Variants in TACC1 observed in about 807,000 individuals in gnomAD.
The protein encoded by TACC1 is transforming acidic coiled-coil-containing protein 1.
A neutral mutation model predicts 84.4 loss-of-function variants in TACC1; 48 were observed. The ratio of observed to expected loss-of-function variants is 0.57; its 90% CI spans 0.45 to 0.72. The LOEUF (loss-of-function observed/expected upper bound fraction) is 0.72, where lower values mean the gene tolerates loss of function less well. Ranked by LOEUF, TACC1 falls within the 30% of genes least tolerant of loss-of-function variation. The pLI is 0.00. For missense variants in TACC1, 920 were observed against 973.0 expected, an observed-to-expected ratio of 0.95 and a Z score of 0.72; for synonymous variants, 372 against 376.3, an observed-to-expected ratio of 0.99 and a Z score of 0.13.
At chr8:38,740,187 T>C (rs1341447392) in intron 1 of TACC1, among the ~76,000 whole-genome samples, 3 of 152,194 alleles carry the variant, frequency 2.0e-5, no homozygotes, top group African/African-American at 7.2e-5. Context: ...TCAGGAATCT[T>C]GAGCTGAGGA....
chr8:38,771,719 C>T (rs1448181709), intron 3 of TACC1, among the ~76,000 whole-genome samples: 3 of 152,146 alleles, frequency 2.0e-5, no homozygotes, highest in Non-Finnish European at 4.4e-5. Flanking sequence ...ATTTGCATTT[C>T]TATTTTACTT....
chr8:38,766,226 T>C (rs906462420), intron 3 of TACC1, among the ~76,000 whole-genome samples: 2 of 152,238 alleles, frequency 1.3e-5, no homozygotes. Context: ...GAACACTTAC[T>C]GTTACAGATA....
intron 3 of TACC1, among the ~76,000 whole-genome samples, chr8:38,821,095 C>G (rs766488236): frequency 4.6e-5 from 7 of 151,964 alleles, no homozygotes; most frequent in Non-Finnish European, 1.0e-4. Context: ...GTCCCAGCCA[C>G]CCGGGAGGCT....
intron 2 of TACC1, among the ~76,000 whole-genome samples, chr8:38,800,556 T>C (rs1464820298): frequency 1.3e-5 from 2 of 152,242 alleles, no homozygotes; most frequent in Non-Finnish European, 2.9e-5. Context: ...AACCATGTTT[T>C]CAAGGTTCAG....
chr8:38,850,367 ATGTT>A lies in TACC1; in HGVS notation c.*2350_*2353del, dbSNP rs796206155. On this transcript the variant is annotated 3_prime_UTR_variant, in exon 13 of 13. Transcript: ENST00000317827. ...GAGAATATACTGGGCAGAATGAAGT[ATGTT>A]TGTTTATTTTTCTTTAAAAATAAAG... 9.2e-5 allele frequency: 14 copies of A among 152,328 alleles called. 1 individual carries two copies. Among genetic ancestry groups the A allele is most frequent in the Admixed American group, 2.6e-4 (4 of 15,302 alleles). The allele number at this position is 152,328 out of a possible 1,614,324, so 9.4% of individuals were successfully genotyped here. A position where few individuals can be genotyped will look rare whatever the true frequency, so the allele number is the denominator to read the frequency against.
chr8:38,797,112 T>C (rs973179902), intron 2 of TACC1, among the ~76,000 whole-genome samples: 1 of 152,250 alleles, frequency 6.6e-6, no homozygotes, highest in Non-Finnish European at 1.5e-5. Flanking sequence ...GGACCACTGC[T>C]GGGTTGCTTG....
intron 2 of TACC1, among the ~76,000 whole-genome samples, chr8:38,791,879 A>T (rs1818754132): frequency 6.6e-6 from 1 of 152,160 alleles, no homozygotes; most frequent in Non-Finnish European, 1.5e-5. Flanking sequence ...TCCTGTGCTG[A>T]CTTCTGTATA....
intron 3 of TACC1, among the ~76,000 whole-genome samples, chr8:38,762,576 G>A (rs1215449951): frequency 1.3e-5 from 2 of 150,984 alleles, no homozygotes; most frequent in Admixed American, 6.6e-5. Context: ...TTTTTTGGGG[G>A]GACAGAGTCT....
intron 3 of TACC1, among the ~76,000 whole-genome samples, chr8:38,768,781 T>C (rs1467817650): frequency 6.6e-6 from 1 of 151,536 alleles, no homozygotes; most frequent in Non-Finnish European, 1.5e-5. Context: ...TGTGGGCTTA[T>C]GTGAGAGTTG....
intron 3 of TACC1, among the ~76,000 whole-genome samples, chr8:38,752,169 T>C (rs1809161811): frequency 6.6e-6 from 1 of 152,178 alleles, no homozygotes; most frequent in Non-Finnish European, 1.5e-5. Context: ...ATTTTTCCAA[T>C]GTTTAAAGAA....
chr8:38,836,658 T>C (rs985525318), intron 7 of TACC1, among the ~76,000 whole-genome samples: 5 of 152,256 alleles, frequency 3.3e-5, no homozygotes, highest in African/African-American at 1.2e-4. Context: ...TTTGCAGTAA[T>C]ACACAGTTGT....
At chr8:38,813,900 G>A (rs1487035326) in intron 2 of TACC1, among the ~76,000 whole-genome samples, 2 of 152,130 alleles carry the variant, frequency 1.3e-5, no homozygotes, top group Non-Finnish European at 2.9e-5. Flanking sequence ...ATTGAGAAAG[G>A]GGCGTTTCAT....
chr8:38,837,105 CTTT>C (rs11414868), intron 7 of TACC1, among the ~76,000 whole-genome samples: 5 of 120,900 alleles, frequency 4.1e-5, no homozygotes, highest in Non-Finnish European at 1.7e-5. Flanking sequence ...CCACCAAAAT[CTTT>C]TTTTTTTTTT....
At chr8:38,743,202 G>A (rs909218033) in intron 2 of TACC1, among the ~76,000 whole-genome samples, 4 of 152,100 alleles carry the variant, frequency 2.6e-5, no homozygotes, top group South Asian at 4.1e-4. Flanking sequence ...CTGGTAGCAG[G>A]CCCCAAAAAA....
chr8:38,804,762 T>C lies in TACC1; in HGVS notation c.278-14760T>C, dbSNP rs1287857505. Among the ~76,000 whole-genome samples, 6 of 152,166 alleles carry C rather than the reference T, an allele frequency of 3.9e-5. No homozygotes were observed. The East Asian group carries it at 1.2e-3, about 29-fold the overall frequency. On this transcript the variant is annotated intron_variant, in intron 2 of 12. Coordinates refer to ENST00000317827, the MANE Select transcript of TACC1 (RefSeq NM_006283.3). The stretch of plus-strand genomic sequence containing the variant: ...GGACTGCAGGCAAACACCACTGTAC[T>C]CAGCTAATTTTTAATTTTTTTGTAG...
At chr8:38,767,846 T>G (rs1271101143) in intron 3 of TACC1, among the ~76,000 whole-genome samples, 1 of 152,084 alleles carries the variant, frequency 6.6e-6, no homozygotes, top group Non-Finnish European at 1.5e-5. Flanking sequence ...GGGAGGATCA[T>G]TTGAGCCCAG....
chr8:38,734,826 C>T (rs1190692442), intron 1 of TACC1, among the ~76,000 whole-genome samples: 1 of 152,244 alleles, frequency 6.6e-6, no homozygotes, highest in Admixed American at 6.5e-5. Context: ...AGGGTGCCTG[C>T]GGCCTGCTGA....
intron 3 of TACC1, among the ~76,000 whole-genome samples, chr8:38,772,062 G>A (rs1177624453): frequency 1.3e-5 from 2 of 151,812 alleles, no homozygotes; most frequent in African/African-American, 4.8e-5. Context: ...AGGAAGGAAG[G>A]AAGGCAGGCA....
intron 5 of TACC1, among the ~76,000 whole-genome samples, chr8:38,828,303 G>C (rs575947950): frequency 1.3e-5 from 2 of 152,262 alleles, no homozygotes; most frequent in East Asian, 3.9e-4. Context: ...AAAGTCACTT[G>C]GCTAGGGTAG....
Sources: allele counts gnomAD v4.1 joint callset (sites outside exome capture counted in the v4.1 genomes callset), GRCh38; gene constraint gnomAD v4.1.1; transcripts MANE v1.5; gene names NCBI Gene and HGNC (gene_info 2026-07-23, HGNC 2026-07-21).